Variants in PCDH9 observed in about 807,000 individuals in gnomAD.
PCDH9 encodes protocadherin 9.
A neutral mutation model predicts 70.6 loss-of-function variants in PCDH9; 24 were observed. The ratio of observed to expected loss-of-function variants is 0.34; its 90% confidence interval spans 0.25 to 0.48. PCDH9 has a LOEUF of 0.48. Ranked by LOEUF, PCDH9 falls within the 20% of genes least tolerant of loss-of-function variation. The pLI, the probability that PCDH9 is intolerant of heterozygous loss-of-function variation, is 0.99. For missense variants in PCDH9, 1,281 were observed against 1,503.6 expected (o/e 0.85, Z 2.45); for synonymous variants, 562 against 558.5 (o/e 1.01, Z -0.09).
chr13:66,849,088 T>C (rs1343744307), intron 3 of PCDH9, among the ~76,000 whole-genome samples: 1 of 152,162 alleles, frequency 6.6e-6, no homozygotes, highest in Non-Finnish European at 1.5e-5. Flanking sequence ...TTGTAGCAAC[T>C]TTTATCATCT....
intron 3 of PCDH9, among the ~76,000 whole-genome samples, chr13:66,708,808 A>C (rs911191280): frequency 6.6e-6 from 1 of 152,220 alleles, no homozygotes; most frequent in Non-Finnish European, 1.5e-5. Context: ...CCCTGACTTC[A>C]AAACTAACAC....
At chr13:67,123,386 G>A (rs2086913852) in intron 2 of PCDH9, among the ~76,000 whole-genome samples, 2 of 152,090 alleles carry the variant, frequency 1.3e-5, no homozygotes, top group South Asian at 2.1e-4. Context: ...CTCCAACACG[G>A]CAACTCTATT....
At chr13:66,827,745 A>G (rs1326115264) in intron 3 of PCDH9, among the ~76,000 whole-genome samples, 2 of 152,202 alleles carry the variant, frequency 1.3e-5, no homozygotes, top group African/African-American at 2.4e-5. Context: ...TATTTTGCCC[A>G]CGATCAACTG....
intron 3 of PCDH9, among the ~76,000 whole-genome samples, chr13:66,752,119 C>A (rs886156819): frequency 1.3e-5 from 2 of 152,092 alleles, no homozygotes; most frequent in Admixed American, 6.6e-5. Flanking sequence ...TAAGGAGCAG[C>A]AGAAGCCAAG....
rs186768732 is a variant in PCDH9, at chr13:66,519,790, G to A, written c.3340+111420C>T. Among the ~76,000 whole-genome samples the A allele has an allele frequency of 4.3e-3, 650 of 152,200 alleles. 4 individuals carry two copies. Among genetic ancestry groups the A allele is most frequent in the South Asian group, 0.019 (91 of 4,822 alleles). On this transcript the variant is annotated intron_variant, in intron 4 of 4. Coordinates refer to ENST00000377865, the MANE Select transcript of PCDH9 (RefSeq NM_203487.3). ...AAGTATTTTTCTGATTTTGCAGACC[G>A]AAGCAGCTCTCGGCCATTGGAAAAT...
intron 2 of PCDH9, among the ~76,000 whole-genome samples, chr13:67,151,448 A>T (rs2087658731): frequency 6.6e-6 from 1 of 152,120 alleles, no homozygotes; most frequent in Non-Finnish European, 1.5e-5. Context: ...AGATGCAAAA[A>T]GCAGAATTGG....
intron 4 of PCDH9, among the ~76,000 whole-genome samples, chr13:66,354,077 C>A (rs1484335257): frequency 6.6e-6 from 1 of 152,144 alleles, no homozygotes; most frequent in Non-Finnish European, 1.5e-5. Flanking sequence ...TTTTCTACTT[C>A]TCTCTTATCA....
At chr13:66,526,903 G>A (rs990687211) in intron 4 of PCDH9, among the ~76,000 whole-genome samples, 1 of 152,262 alleles carries the variant, frequency 6.6e-6, no homozygotes, top group East Asian at 1.9e-4. Context: ...TAAAAGTACT[G>A]TGAGCATATC....
chr13:67,011,127 C>T (rs1014466107), intron 2 of PCDH9, among the ~76,000 whole-genome samples: 5 of 151,756 alleles, frequency 3.3e-5, no homozygotes, highest in African/African-American at 1.2e-4. Flanking sequence ...ATTTGTATTG[C>T]CCCTTTTAAT....
intron 2 of PCDH9, among the ~76,000 whole-genome samples, chr13:67,036,355 T>C (rs2085009160): frequency 6.6e-6 from 1 of 152,166 alleles, no homozygotes; most frequent in Non-Finnish European, 1.5e-5. Context: ...TATTCCTACA[T>C]AAAGCTCTAA....
intron 4 of PCDH9, among the ~76,000 whole-genome samples, chr13:66,588,570 T>C (rs1328695937): frequency 6.6e-6 from 1 of 151,772 alleles, no homozygotes; most frequent in Non-Finnish European, 1.5e-5. Context: ...CTTTTGAAAA[T>C]TTACATAAAA....
intron 4 of PCDH9, among the ~76,000 whole-genome samples, chr13:66,463,138 G>T (rs1310584584): frequency 6.6e-6 from 1 of 151,728 alleles, no homozygotes; most frequent in African/African-American, 2.4e-5. Flanking sequence ...GTGATACTTT[G>T]TAAGGAAGAG....
rs565895380 is a variant in PCDH9 at position 66,818,866 on chromosome 13, G to A, written c.3138+84638C>T. Reference sequence around the variant, plus strand: ...GGAGAATGGCGTGAACCCAGGAGGCGGAGCTTGCAGTGGGCCGAGATCGCG... The same window carrying A: ...GGAGAATGGCGTGAACCCAGGAGGCAGAGCTTGCAGTGGGCCGAGATCGCG... On this transcript the variant is annotated intron_variant, in intron 3 of 4. Coordinates refer to ENST00000377865, the MANE Select transcript of PCDH9 (RefSeq NM_203487.3). Among the ~76,000 whole-genome samples the A allele has an allele frequency of 5.1e-4, 78 of 152,022 alleles. 1 individual carries two copies. The East Asian group carries it at 9.7e-3, about 19-fold the overall frequency.
At position 66,323,865 on chromosome 13, in the gene PCDH9, T is replaced by C. The variant is rs186750385; in HGVS notation, c.3341-18837A>G. ...ACATACACTTGTCACCCACAGCAGT[T>C]TACTCCGGGGCATCTGCTTAGTATC... is the stretch of plus-strand genomic sequence containing the variant. On this transcript the variant is annotated intron_variant, in intron 4 of 4. Transcript: ENST00000377865. Among the ~76,000 whole-genome samples the C allele has an allele frequency of 1.3e-5, 2 of 152,064 alleles. 1 individual carries two copies. The highest frequency in any genetic ancestry group is 4.8e-5 in the African/African-American group (2 of 41,392).
intron 4 of PCDH9, among the ~76,000 whole-genome samples, chr13:66,585,421 A>C (rs2076949516): frequency 6.6e-6 from 1 of 152,120 alleles, no homozygotes; most frequent in Non-Finnish European, 1.5e-5. Context: ...TATTTTTAAC[A>C]GATTCTTATC....
At chr13:66,907,711 C>T (rs1296878979) in intron 2 of PCDH9, among the ~76,000 whole-genome samples, 1 of 152,082 alleles carries the variant, frequency 6.6e-6, no homozygotes, top group African/African-American at 2.4e-5. Flanking sequence ...TTATGAAAAA[C>T]ACAGCTGTTT....
intron 3 of PCDH9, among the ~76,000 whole-genome samples, chr13:66,743,354 GGA>G (rs2079301236): frequency 8.2e-6 from 1 of 121,710 alleles, no homozygotes. Flanking sequence ...TGGGGTGGGG[GGA>G]GGGGGGAGGG....
At chr13:66,863,074 G>A (rs2081510279) in intron 3 of PCDH9, among the ~76,000 whole-genome samples, 1 of 152,042 alleles carries the variant, frequency 6.6e-6, no homozygotes, top group Non-Finnish European at 1.5e-5. Flanking sequence ...AAAATAGTTG[G>A]TAACTTTAAA....
At chr13:66,754,224 T>C (rs2079505674) in intron 3 of PCDH9, among the ~76,000 whole-genome samples, 1 of 151,994 alleles carries the variant, frequency 6.6e-6, no homozygotes, top group Admixed American at 6.6e-5. Flanking sequence ...TCAGGGCCTG[T>C]CAGTGGGTGG....
Sources: gnomAD v4.1 joint callset for allele counts (sites outside exome capture counted in the v4.1 genomes callset) on GRCh38, gnomAD v4.1.1 for gene constraint, MANE v1.5 for transcripts, NCBI Gene and HGNC (gene_info 2026-07-23, HGNC 2026-07-21) for gene names.